Variants in CCDC81 observed in about 807,000 individuals in gnomAD.
The protein encoded by CCDC81 is coiled-coil domain containing 81.
CCDC81 carries 79 observed loss-of-function variants against 83.7 expected under a neutral mutation model. The observed-to-expected ratio is 0.94, with a 90% CI of 0.79 to 1.14. The LOEUF is 1.14. Ranked by LOEUF, CCDC81 falls within the 50% of genes most tolerant of loss-of-function variation. The pLI is 0.00. For synonymous variants in CCDC81, 252 were observed against 278.1 expected, an observed-to-expected ratio of 0.91 and a Z score of 0.93; for missense variants, 791 against 778.1, an observed-to-expected ratio of 1.02 and a Z score of -0.20.
At chr11:86,395,638 C>T (rs983576296) in intron 5 of CCDC81, among the ~76,000 whole-genome samples, 4 of 152,228 alleles carry the variant, frequency 2.6e-5, no homozygotes, top group South Asian at 2.1e-4. Flanking sequence ...CCCCCCTCAC[C>T]GCGACGGAGT....
At position 86,392,787 on chromosome 11, in the gene CCDC81, C is replaced by A; in HGVS notation, c.545C>A (p.Ala182Asp). 6.5e-7 allele frequency: 1 copy of A among 1,548,656 alleles called. No individual in the cohort carries two copies. Among genetic ancestry groups the A allele is most frequent in the South Asian group, 1.2e-5 (1 of 83,526 alleles). The change falls in exon 4 of 15, where the codon GCC becomes GAC. Residue 182 changes from alanine (A) to aspartate (D), a missense_variant. Ala to Asp is a moderately radical substitution (Grantham distance 126, BLOSUM62 -2). Transcript: ENST00000445632. ...TMDGSGALAK[A>D]LANRPGTVDS... is the part of the protein sequence containing the mutation. ...GATGGAAGTGGGGCTTTGGCAAAGG[C>A]CCTAGCAAATGTAAATTAATATTTT...
In CCDC81 at chr11:86,400,769, T is replaced by C; in HGVS notation, c.849T>C (p.Ser283=). 1 of 1,612,680 alleles carries C rather than the reference T, an allele frequency of 6.2e-7. No individual in the cohort carries two copies. The highest frequency in any genetic ancestry group is 8.5e-7 in the Non-Finnish European group (1 of 1,178,884). ...GCTTGCTGGAAAAGTTTGAACGAAG[T>C]GAGAGTGGTGGGAAGATTATGACCC... ...NVSLLEKFER[S]ESGGKIMTPE... The change falls in exon 7 of 15, where the codon AGT becomes AGC. Residue 283 remains serine (S), a synonymous_variant. Coordinates refer to ENST00000445632, the MANE Select transcript of CCDC81 (RefSeq NM_001156474.2).
At chr11:86,395,748 G>A (rs1948398947) in intron 5 of CCDC81, among the ~76,000 whole-genome samples, 1 of 152,102 alleles carries the variant, frequency 6.6e-6, no homozygotes, top group Non-Finnish European at 1.5e-5. Context: ...TCAGCCTTTG[G>A]AGTAGCTGAG....
intron 11 of CCDC81, 66 bp downstream of exon 11, chr11:86,412,625 T>C (rs1049906267): frequency 3.6e-6 from 5 of 1,370,898 alleles, no homozygotes; most frequent in Non-Finnish European, 5.0e-6. Context: ...ACTTTTCATG[T>C]AGGATTGAAT....
chr11:86,405,988 C>G (rs1160433613), intron 7 of CCDC81, among the ~76,000 whole-genome samples: 3 of 152,110 alleles, frequency 2.0e-5, no homozygotes, highest in Non-Finnish European at 4.4e-5. Flanking sequence ...GTCTCGAGCT[C>G]CTGACCTCAA....
chr11:86,421,543 C>T (rs367763505), intron 14 of CCDC81, among the ~76,000 whole-genome samples: 268 of 152,344 alleles, frequency 1.8e-3, no homozygotes, highest in African/African-American at 5.7e-3. Flanking sequence ...ATCTCCTGAC[C>T]TCGCAATCCG....
chr11:86,409,773 C>T (rs1278306128), intron 10 of CCDC81, among the ~76,000 whole-genome samples: 1 of 151,992 alleles, frequency 6.6e-6, no homozygotes, highest in African/African-American at 2.4e-5. Flanking sequence ...TTTTAAGCAG[C>T]GGAGTTGAAA....
intron 3 of CCDC81, among the ~76,000 whole-genome samples, chr11:86,389,237 AAAT>A (rs145645003): frequency 1.3e-5 from 2 of 151,532 alleles, no homozygotes. Flanking sequence ...GAAGGCTGCA[AAAT>A]AATAATAATA....
At position 86,397,682 on chromosome 11, in the gene CCDC81, G is replaced by A; in HGVS notation, c.697G>A (p.Glu233Lys). 3 of 1,613,928 alleles carry A rather than the reference G, an allele frequency of 1.9e-6. No individual in the cohort carries two copies. The highest frequency in any genetic ancestry group is 2.5e-6 in the Non-Finnish European group (3 of 1,179,930). The change falls in exon 6 of 15, where the codon GAG becomes AAG. Residue 233 changes from glutamate to lysine, a missense_variant. Physicochemically the swap from Glu to Lys is moderately conservative, Grantham distance 56 (BLOSUM62 1). Transcript: ENST00000445632. Reference sequence around the variant, plus strand: ...GGAGACCCTTGTAGAAGAATGTGGAGAGAATAGAGAAAGGAAGTGCAAGTT... The same window carrying A: ...GGAGACCCTTGTAGAAGAATGTGGAAAGAATAGAGAAAGGAAGTGCAAGTT... ...PMETLVEECGENRERKCKLKD... is the reference protein window; with the variant it reads ...PMETLVEECGKNRERKCKLKD...
rs766540820 is a variant in CCDC81 at position 86,412,371 on chromosome 11, TTC to T, written c.1219-12_1219-11del. ...CAGTACTCTAGCATAAATGAATTGCTTCTCTTTCATTCTAGAAATCCTTCCTA... is the reference window on the plus strand; with the variant it reads ...CAGTACTCTAGCATAAATGAATTGCTTCTTTCATTCTAGAAATCCTTCCTA... On this transcript the variant is annotated splice_polypyrimidine_tract_variant and intron_variant, in intron 10 of 14. Coordinates refer to ENST00000445632, the MANE Select transcript of CCDC81 (RefSeq NM_001156474.2). The T allele has an allele frequency of 2.6e-6, 4 of 1,558,680 alleles. No homozygotes were observed. The highest frequency in any genetic ancestry group is 3.5e-6 in the Non-Finnish European group (4 of 1,153,524).
intron 2 of CCDC81, among the ~76,000 whole-genome samples, chr11:86,387,152 C>G (rs1295467408): frequency 1.3e-5 from 2 of 152,148 alleles, no homozygotes; most frequent in African/African-American, 2.4e-5. Flanking sequence ...TTCTCATGCC[C>G]TCTTAAATTC....
intron 7 of CCDC81, among the ~76,000 whole-genome samples, chr11:86,405,321 TA>T (rs1236043526): frequency 2.0e-5 from 3 of 152,190 alleles, no homozygotes; most frequent in Non-Finnish European, 4.4e-5. Flanking sequence ...AACATCTGAT[TA>T]GTATTTACCT....
At chr11:86,401,192 A>G (rs974304613) in intron 7 of CCDC81, among the ~76,000 whole-genome samples, 1 of 152,232 alleles carries the variant, frequency 6.6e-6, no homozygotes, top group African/African-American at 2.4e-5. Context: ...TTTGCCAAAC[A>G]TAGCCAGCAC....
intron 7 of CCDC81, among the ~76,000 whole-genome samples, chr11:86,401,954 G>A (rs1197171648): frequency 6.6e-6 from 1 of 151,798 alleles, no homozygotes; most frequent in Non-Finnish European, 1.5e-5. Flanking sequence ...GGCTAACACG[G>A]TGAAACTCTG....
At chr11:86,382,412 G>C (rs117401046) in intron 1 of CCDC81, among the ~76,000 whole-genome samples, 6,107 of 152,226 alleles carry the variant, frequency 0.04, 145 homozygotes, top group Middle Eastern at 0.082. Flanking sequence ...AGGGATAAGA[G>C]AAGTCTCAAG....
chr11:86,422,585 A>C lies in CCDC81; in HGVS notation c.1829A>C (p.Lys610Thr). The C allele has an allele frequency of 6.2e-7, 1 of 1,613,718 alleles. No homozygotes were observed. Among genetic ancestry groups the C allele is most frequent in the East Asian group, 2.2e-5 (1 of 44,876 alleles). The change falls in exon 15 of 15, where the codon AAG becomes ACG. Residue 610 changes from lysine to threonine, a missense_variant. Coordinates refer to ENST00000445632, the MANE Select transcript of CCDC81 (RefSeq NM_001156474.2). ...EDKAFERASD[K>T]LFLLDQCEKY... The stretch of plus-strand genomic sequence containing the variant: ...TCTCCTCTCCTCAGGGCTTCAGACA[A>C]GCTGTTTCTCCTAGACCAGTGTGAG...
intron 14 of CCDC81, among the ~76,000 whole-genome samples, chr11:86,421,375 T>A (rs1027859632): frequency 5.3e-5 from 8 of 152,090 alleles, no homozygotes; most frequent in Non-Finnish European, 8.8e-5. Context: ...AGTGGCGCGA[T>A]CTCGGCTCAC....
chr11:86,375,175 G>T lies in CCDC81; in HGVS notation c.12G>T (p.Thr4=). The T allele has an allele frequency of 6.2e-7, 1 of 1,613,520 alleles. No individual in the cohort carries two copies. Among genetic ancestry groups the T allele is most frequent in the South Asian group, 1.1e-5 (1 of 91,044 alleles). Residue 4 remains threonine (T), a synonymous_variant, in exon 1 of 15, where the codon ACG becomes ACT. Coordinates refer to ENST00000445632, the MANE Select transcript of CCDC81 (RefSeq NM_001156474.2). Reference sequence around the variant, plus strand: ...CCTGGAAATTGGAGATGTTGGATACGATCGCCCGTGCCCTGCAGGACCTGG... The same window carrying T: ...CCTGGAAATTGGAGATGTTGGATACTATCGCCCGTGCCCTGCAGGACCTGG... MLD[T]IARALQDLGR...
Position 86,419,923 on chromosome 11 carries a change from T to C in CCDC81, c.1692-5T>C. On this transcript the variant is annotated splice_polypyrimidine_tract_variant and splice_region_variant and intron_variant, in intron 13 of 14. Transcript: ENST00000445632. ...TATGGAGCCAGGCTGTTCTTTTCTC[T>C]CCAGGCACTTGGCAGACAGAACCGC... is the stretch of plus-strand genomic sequence containing the variant. The C allele has an allele frequency of 6.2e-7, 1 of 1,610,974 alleles. No homozygotes were observed. Among genetic ancestry groups the C allele is most frequent in the Non-Finnish European group, 8.5e-7 (1 of 1,178,806 alleles).
Sources: allele counts gnomAD v4.1 joint callset (sites outside exome capture counted in the v4.1 genomes callset), GRCh38; gene constraint gnomAD v4.1.1; transcripts MANE v1.5; gene names NCBI Gene and HGNC (gene_info 2026-07-23, HGNC 2026-07-21).